Variants in GMPR observed in about 807,000 individuals in gnomAD.
GMPR encodes the protein guanosine monophosphate reductase.
In GMPR, 31 loss-of-function variants were observed where a neutral mutation model predicts 38.4. The ratio of observed to expected loss-of-function variants is 0.81; its 90% CI spans 0.61 to 1.09. The LOEUF is 1.09. Ranked by LOEUF, GMPR falls within the 50% of genes least tolerant of loss-of-function variation. The pLI is 0.00. For missense variants in GMPR, 468 were observed against 453.7 expected (o/e 1.03, Z -0.29); for synonymous variants, 162 against 173.3 (o/e 0.93, Z 0.51).
At chr6:16,264,367 T>G in intron 4 of GMPR, 2 of 253,680 alleles carry the variant, frequency 7.9e-6, no homozygotes, top group Non-Finnish European at 1.5e-5. Flanking sequence ...GAGATGTTTC[T>G]TGGGCTGGTC....
chr6:16,285,057 A>G (rs1271495872), intron 6 of GMPR, among the ~76,000 whole-genome samples: 1 of 150,652 alleles, frequency 6.6e-6, no homozygotes, highest in Non-Finnish European at 1.5e-5. Context: ...CAGAAAAGAA[A>G]AGAAAATTCA....
At chr6:16,270,543 G>A (rs779917905) in intron 4 of GMPR, among the ~76,000 whole-genome samples, 12 of 152,178 alleles carry the variant, frequency 7.9e-5, no homozygotes, top group Non-Finnish European at 1.3e-4. Flanking sequence ...GAGGCTGCTC[G>A]AGGGCACACC....
chr6:16,266,908 T>C (rs1249682973), intron 4 of GMPR, among the ~76,000 whole-genome samples: 1 of 151,956 alleles, frequency 6.6e-6, no homozygotes, highest in African/African-American at 2.4e-5. Flanking sequence ...ACGTGCCACC[T>C]TTAAGAGCTG....
intron 4 of GMPR, chr6:16,262,448 C>T (rs1759105566): frequency 6.6e-6 from 1 of 151,968 alleles, no homozygotes; most frequent in South Asian, 2.1e-4. Flanking sequence ...AGATTTCTGG[C>T]ACTTGTAGCA....
intron 4 of GMPR, among the ~76,000 whole-genome samples, chr6:16,260,031 T>G (rs571917430): frequency 2.4e-4 from 36 of 152,216 alleles, no homozygotes; most frequent in Non-Finnish European, 4.4e-4. Flanking sequence ...TGGTCTGGTG[T>G]CTGGAATGAG....
intron 3 of GMPR, 63 bp from the exon 4 acceptor site, chr6:16,254,499 G>A (rs1758934883): frequency 1.4e-6 from 2 of 1,399,706 alleles, no homozygotes; most frequent in African/African-American, 1.4e-5. Context: ...GCATAAATGG[G>A]GGCAGGGTCT....
chr6:16,259,194 G>C (rs958020061), intron 4 of GMPR: 14 of 152,006 alleles, frequency 9.2e-5, no homozygotes, highest in African/African-American at 2.7e-4. Flanking sequence ...GGGTTGGTTT[G>C]TTCTCTGGCG....
intron 2 of GMPR, among the ~76,000 whole-genome samples, chr6:16,249,874 T>G (rs1341728110): frequency 6.6e-6 from 1 of 152,210 alleles, no homozygotes; most frequent in East Asian, 1.9e-4. Context: ...CAGGGTCGGC[T>G]AAGCAGAAGT....
At chr6:16,254,200 G>C (rs1758929665) in intron 3 of GMPR, among the ~76,000 whole-genome samples, 1 of 152,056 alleles carries the variant, frequency 6.6e-6, no homozygotes, top group African/African-American at 2.4e-5. Flanking sequence ...CAAAGTGCTG[G>C]GATTACAGGC....
intron 8 of GMPR, among the ~76,000 whole-genome samples, chr6:16,293,256 G>C (rs969176325): frequency 1.3e-5 from 2 of 152,232 alleles, no homozygotes; most frequent in African/African-American, 4.8e-5. Context: ...CCACTTAGCA[G>C]AGAAGCAACA....
chr6:16,253,578 C>T (rs1279868983), intron 3 of GMPR, among the ~76,000 whole-genome samples: 1 of 152,098 alleles, frequency 6.6e-6, no homozygotes, highest in African/African-American at 2.4e-5. Flanking sequence ...GGATCCACCC[C>T]CATGACCCAT....
intron 4 of GMPR, among the ~76,000 whole-genome samples, chr6:16,267,890 C>T (rs1012225565): frequency 6.6e-6 from 1 of 152,240 alleles, no homozygotes; most frequent in Non-Finnish European, 1.5e-5. Context: ...TGGGCTGGAT[C>T]TCCAGGGCGG....
intron 6 of GMPR, among the ~76,000 whole-genome samples, chr6:16,282,622 G>A (rs1759595029): frequency 6.6e-6 from 1 of 152,158 alleles, no homozygotes; most frequent in Admixed American, 6.5e-5. Flanking sequence ...AGTTTGAATG[G>A]AAAAATGACT....
At chr6:16,255,977 A>C (rs977399563) in intron 4 of GMPR, among the ~76,000 whole-genome samples, 67 of 152,318 alleles carry the variant, frequency 4.4e-4, no homozygotes, top group African/African-American at 1.5e-3. Flanking sequence ...GCACTTTGGG[A>C]GGCCGAGGCA....
chr6:16,291,237 T>G (rs1458395972), intron 8 of GMPR, among the ~76,000 whole-genome samples: 1 of 152,112 alleles, frequency 6.6e-6, no homozygotes, highest in Non-Finnish European at 1.5e-5. Flanking sequence ...TATTTTTATT[T>G]TTTTGTGGTG....
intron 7 of GMPR, chr6:16,289,534 C>T (rs890955586): frequency 6.6e-6 from 1 of 152,268 alleles, no homozygotes; most frequent in Non-Finnish European, 1.5e-5. Context: ...GTACCTCTGT[C>T]TCCTGTGCCT....
intron 4 of GMPR, among the ~76,000 whole-genome samples, chr6:16,257,081 C>T (rs1758995775): frequency 6.6e-6 from 1 of 152,192 alleles, no homozygotes. Flanking sequence ...TGATTAGAAG[C>T]TTGGAGCTTC....
At chr6:16,245,875 G>C (rs796100986) in intron 1 of GMPR, among the ~76,000 whole-genome samples, 8 of 152,326 alleles carry the variant, frequency 5.3e-5, no homozygotes, top group African/African-American at 1.9e-4. Flanking sequence ...CAACCCAGCT[G>C]TTCTGGAGAA....
chr6:16,246,835 C>T lies in GMPR; in HGVS notation c.88-7C>T. The T allele has an allele frequency of 5.0e-6, 8 of 1,601,822 alleles. No individual in the cohort carries two copies. The Admixed American group carries it at 7.0e-5, about 14-fold the overall frequency. ...TCCCTTTTTCTTTCTTTTTTTTTGGCCAACAGGTGGATCTTGAACGCACCT... is the reference window on the plus strand; with the variant it reads ...TCCCTTTTTCTTTCTTTTTTTTTGGTCAACAGGTGGATCTTGAACGCACCT... On this transcript the variant is annotated splice_region_variant and splice_polypyrimidine_tract_variant and intron_variant, in intron 1 of 8. Transcript: ENST00000259727.
Sources: allele counts gnomAD v4.1 joint callset (sites outside exome capture counted in the v4.1 genomes callset), GRCh38; gene constraint gnomAD v4.1.1; transcripts MANE v1.5; gene names NCBI Gene and HGNC (gene_info 2026-07-23, HGNC 2026-07-21).